Variants in CFAP92 observed in about 807,000 individuals in gnomAD.
CFAP92 encodes uncharacterized protein CFAP92.
CFAP92 carries 86 observed loss-of-function variants against 106.3 expected under a neutral mutation model. The observed-to-expected ratio is 0.81, with a 90% confidence interval of 0.68 to 0.97. CFAP92 has a LOEUF of 0.97. CFAP92 is among the 50% of genes least tolerant of loss of function. The pLI is 0.00. For synonymous variants in CFAP92, 477 were observed against 506.4 expected, an observed-to-expected ratio of 0.94 and a Z score of 0.78; for missense variants, 1,204 against 1,283.8, an observed-to-expected ratio of 0.94 and a Z score of 0.95.
At chr3:128,991,913 T>A in intron 2 of CFAP92, 4 of 983,304 alleles carry the variant, frequency 4.1e-6, no homozygotes, top group Non-Finnish European at 4.8e-6. Flanking sequence ...CCCCTCATAT[T>A]GGGCTGGAAC....
At chr3:129,011,565 AAG>A in the CFAP92 span, among the ~76,000 whole-genome samples, 1 of 152,012 alleles carries the variant, frequency 6.6e-6, no homozygotes, top group Non-Finnish European at 1.5e-5. Flanking sequence ...AAAAAAAAAA[AAG>A]AATGAAGCAG....
At chr3:128,940,799 G>T (rs1478197880) in intron 10 of CFAP92, among the ~76,000 whole-genome samples, 1 of 151,730 alleles carries the variant, frequency 6.6e-6, no homozygotes, top group African/African-American at 2.4e-5. Flanking sequence ...TTATTCAAGG[G>T]TATCTTCTTT....
intron 10 of CFAP92, among the ~76,000 whole-genome samples, chr3:128,938,502 T>C (rs1939287936): frequency 6.6e-6 from 1 of 151,474 alleles, no homozygotes; most frequent in African/African-American, 2.4e-5. Context: ...TTTTTTTTTT[T>C]TTTTTTTAAG....
At position 128,977,039 on chromosome 3, in the gene CFAP92, G is replaced by A. The variant is rs986044672; in HGVS notation, c.836C>T (p.Ser279Phe). The A allele has an allele frequency of 6.2e-6, 10 of 1,613,876 alleles. No homozygotes were observed. The highest frequency in any genetic ancestry group is 8.5e-6 in the Non-Finnish European group (10 of 1,179,818). Reference protein sequence around the residue: ...QGSHQAEPETSSKNSEEYEKS... With the variant: ...QGSHQAEPETFSKNSEEYEKS... ...CTCATATTCCTCACTGTTCTTGGAA[G>A]AAGTTTCGGGCTCTGCTTGGTGAGA... The change falls in exon 6 of 16, where the codon TCT becomes TTT. Residue 279 changes from serine to phenylalanine, a missense_variant. Transcript: ENST00000645291.
chr3:128,947,577 G>A (rs550926577), intron 9 of CFAP92, among the ~76,000 whole-genome samples: 9 of 151,352 alleles, frequency 5.9e-5, no homozygotes, highest in African/African-American at 1.5e-4. Flanking sequence ...AAGAGAAACC[G>A]GAAACAGATC....
intron 9 of CFAP92, among the ~76,000 whole-genome samples, chr3:128,962,962 T>C (rs914300733): frequency 3.9e-5 from 6 of 152,322 alleles, no homozygotes; most frequent in African/African-American, 4.8e-5. Context: ...ACATGCTTTC[T>C]TTACTATTCC....
intron 9 of CFAP92, among the ~76,000 whole-genome samples, chr3:128,953,372 G>C (rs549383333): frequency 4.5e-4 from 68 of 152,018 alleles, no homozygotes; most frequent in African/African-American, 1.6e-3. Flanking sequence ...AAAATTAGCC[G>C]GGCGTGGTGG....
At chr3:129,008,293 G>T in the CFAP92 span, among the ~76,000 whole-genome samples, 1 of 152,216 alleles carries the variant, frequency 6.6e-6, no homozygotes, top group Non-Finnish European at 1.5e-5. Flanking sequence ...GTCTCCTTCT[G>T]TAACTCACTA....
At chr3:129,025,905 C>T in the CFAP92 span, among the ~76,000 whole-genome samples, 5 of 152,240 alleles carry the variant, frequency 3.3e-5, no homozygotes, top group African/African-American at 1.2e-4. Flanking sequence ...CCACTGACAA[C>T]GGCAGCTGGG....
chr3:129,020,515 T>G, the CFAP92 span, among the ~76,000 whole-genome samples: 2 of 152,132 alleles, frequency 1.3e-5, no homozygotes, highest in Non-Finnish European at 2.9e-5. Context: ...CCTGCACCTG[T>G]GGTCCCAGCT....
At chr3:128,970,636 A>G (rs2107778736) in intron 8 of CFAP92, 1 of 152,428 alleles carries the variant, frequency 6.6e-6, no homozygotes, top group East Asian at 1.9e-4. Context: ...GTTATGATTT[A>G]CCAGTATGTA....
rs569333700 is a variant in CFAP92, at chr3:128,957,573, C to T, written c.1353+7938G>A. Among the ~76,000 whole-genome samples the T allele has an allele frequency of 5.9e-5, 9 of 151,872 alleles. No individual in the cohort carries two copies. In the South Asian group the frequency reaches 1.9e-3, roughly 32 times the overall value. On this transcript the variant is annotated intron_variant, in intron 9 of 15. Coordinates refer to ENST00000645291, the MANE Select transcript of CFAP92 (RefSeq NM_001394090.1). The stretch of plus-strand genomic sequence containing the variant: ...ACCCACAAGAAAGCAGGAATAAAAA[C>T]CAAGAGAAACAAAAAAACAGAAGGA...
upstream of CFAP92, chr3:129,002,708 T>G (rs1228723278): frequency 4.3e-6 from 1 of 231,902 alleles, no homozygotes; most frequent in South Asian, 1.3e-4. Flanking sequence ...TTCTGGGAGG[T>G]TTAGGAGACA....
At chr3:128,973,036 G>A (rs897906438) in intron 7 of CFAP92, among the ~76,000 whole-genome samples, 2 of 151,992 alleles carry the variant, frequency 1.3e-5, no homozygotes, top group Non-Finnish European at 2.9e-5. Context: ...AAACTAGAGA[G>A]GAATAGTTAA....
chr3:128,947,227 G>C (rs1442657014), intron 9 of CFAP92, among the ~76,000 whole-genome samples: 2 of 146,268 alleles, frequency 1.4e-5, no homozygotes, highest in Admixed American at 1.3e-4. Flanking sequence ...TCAAAGCACT[G>C]ATGAAAAAAA....
chr3:128,916,461 A>T (rs1463064629), intron 12 of CFAP92, among the ~76,000 whole-genome samples, 190 bp from the exon 13 acceptor site: 4 of 152,150 alleles, frequency 2.6e-5, no homozygotes, highest in Non-Finnish European at 5.9e-5. Context: ...CACTATCCAA[A>T]ATGGAATTTA....
At chr3:129,005,355 G>T (rs1198866725), upstream of CFAP92, among the ~76,000 whole-genome samples, 1 of 152,260 alleles carries the variant, frequency 6.6e-6, no homozygotes, top group Non-Finnish European at 1.5e-5. Context: ...GAACAGTACG[G>T]GCAAAGCCCT....
At chr3:128,984,547 T>C (rs998822002) in intron 4 of CFAP92, among the ~76,000 whole-genome samples, 6 of 152,192 alleles carry the variant, frequency 3.9e-5, no homozygotes, top group Admixed American at 1.3e-4. Context: ...AGGCCTTCGG[T>C]CACAGACTGA....
chr3:128,945,723 A>G lies in CFAP92; in HGVS notation c.1606T>C (p.Tyr536His). The change falls in exon 10 of 16, where the codon TAC becomes CAC. Residue 536 changes from tyrosine (Y) to histidine (H), a missense_variant. Physicochemically the swap from Tyr to His is moderately conservative, Grantham distance 83. Coordinates refer to ENST00000645291, the MANE Select transcript of CFAP92 (RefSeq NM_001394090.1). ...GAGATGAGGGCCTGGAAGTTGAGGTATGAATCCAGAGGGTCCTCCCCAAAC... is the reference window on the plus strand; with the variant it reads ...GAGATGAGGGCCTGGAAGTTGAGGTGTGAATCCAGAGGGTCCTCCCCAAAC... ...VLFGEDPLDS[Y>H]LNFQALISPR... 6.5e-7 allele frequency: 1 copy of G among 1,536,082 alleles called. No individual in the cohort carries two copies. The highest frequency in any genetic ancestry group is 1.2e-5 in the South Asian group (1 of 84,064).
Sources: allele counts gnomAD v4.1 joint callset (sites outside exome capture counted in the v4.1 genomes callset), GRCh38; gene constraint gnomAD v4.1.1; transcripts MANE v1.5; gene names NCBI Gene and HGNC (gene_info 2026-07-23, HGNC 2026-07-21).